Variants in CNTNAP2 observed in about 807,000 individuals in gnomAD.
CNTNAP2 encodes the protein contactin-associated protein-like 2.
Under a neutral mutation model 155.2 loss-of-function variants are expected in CNTNAP2, and 98 were observed. That is an observed-to-expected ratio of 0.63 (90% CI 0.54 to 0.75). The LOEUF is 0.75. CNTNAP2 is among the 30% of genes least tolerant of loss of function. The pLI is 0.00. For missense variants in CNTNAP2, 1,727 were observed against 1,688.1 expected, an observed-to-expected ratio of 1.02 and a Z score of -0.40; for synonymous variants, 651 against 631.2, an observed-to-expected ratio of 1.03 and a Z score of -0.47.
intron 1 of CNTNAP2, among the ~76,000 whole-genome samples, chr7:146,616,070 G>A (rs1799218807): frequency 6.6e-6 from 1 of 152,018 alleles, no homozygotes; most frequent in Admixed American, 6.6e-5. Context: ...TGCTCCATTT[G>A]TTTTTTTCCT....
intron 13 of CNTNAP2, among the ~76,000 whole-genome samples, chr7:147,759,758 C>G (rs1200394517): frequency 6.6e-6 from 1 of 152,130 alleles, no homozygotes; most frequent in Non-Finnish European, 1.5e-5. Flanking sequence ...ACAAGGAAGC[C>G]ATTGTGGTTA....
intron 3 of CNTNAP2, among the ~76,000 whole-genome samples, chr7:146,897,597 T>A (rs1248904982): frequency 6.6e-6 from 1 of 151,830 alleles, no homozygotes; most frequent in Admixed American, 6.6e-5. Context: ...TTTTTTTTTC[T>A]TGGCCTTTAG....
chr7:147,801,257 A>G (rs1797977313), intron 13 of CNTNAP2, among the ~76,000 whole-genome samples: 1 of 150,580 alleles, frequency 6.6e-6, no homozygotes, highest in African/African-American at 2.4e-5. Flanking sequence ...AGAAACGTGT[A>G]TCATGTATAT....
intron 22 of CNTNAP2, among the ~76,000 whole-genome samples, chr7:148,385,867 A>G (rs1468414886): frequency 1.3e-5 from 2 of 150,438 alleles, no homozygotes; most frequent in Non-Finnish European, 2.9e-5. Flanking sequence ...CCTCCTGAGT[A>G]GCTGGGATTA....
At chr7:147,522,393 C>T (rs1338233373) in intron 11 of CNTNAP2, among the ~76,000 whole-genome samples, 3 of 151,974 alleles carry the variant, frequency 2.0e-5, no homozygotes, top group Admixed American at 6.6e-5. Flanking sequence ...GCCTGGGGAA[C>T]AGAAAATGAA....
chr7:147,067,967 C>A (rs1273444891), intron 4 of CNTNAP2, among the ~76,000 whole-genome samples: 3 of 152,198 alleles, frequency 2.0e-5, no homozygotes, highest in African/African-American at 7.2e-5. Context: ...CCTAGCCCAT[C>A]GGCGTGTCAG....
intron 3 of CNTNAP2, among the ~76,000 whole-genome samples, chr7:147,025,792 G>A (rs1449161872): frequency 3.3e-5 from 5 of 151,246 alleles, no homozygotes; most frequent in South Asian, 2.1e-4. Flanking sequence ...TACATTACAC[G>A]TATATATCTC....
At chr7:147,446,761 G>A (rs1797747213) in intron 10 of CNTNAP2, among the ~76,000 whole-genome samples, 1 of 152,142 alleles carries the variant, frequency 6.6e-6, no homozygotes, top group South Asian at 2.1e-4. Context: ...TCAGCTATGG[G>A]CAAAGTTTAA....
At chr7:146,438,902 C>T (rs888686138) in intron 1 of CNTNAP2, among the ~76,000 whole-genome samples, 1 of 151,498 alleles carries the variant, frequency 6.6e-6, no homozygotes, top group Admixed American at 6.6e-5. Flanking sequence ...CATGGTCTGT[C>T]ATCCTGAGCA....
chr7:146,691,925 G>T (rs575821602), intron 1 of CNTNAP2, among the ~76,000 whole-genome samples: 11 of 152,112 alleles, frequency 7.2e-5, no homozygotes, highest in African/African-American at 2.4e-4. Context: ...TCTTGGATTG[G>T]ATTCAAATCA....
chr7:146,458,495 A>G (rs1424391871), intron 1 of CNTNAP2, among the ~76,000 whole-genome samples: 1 of 152,206 alleles, frequency 6.6e-6, no homozygotes, highest in Admixed American at 6.5e-5. Flanking sequence ...GGTTTGTAGC[A>G]CATGCTACAA....
At chr7:147,979,772 G>A (rs1041348336) in intron 15 of CNTNAP2, among the ~76,000 whole-genome samples, 2 of 152,028 alleles carry the variant, frequency 1.3e-5, no homozygotes, top group East Asian at 1.9e-4. Context: ...ACAAGCACAC[G>A]CCACCATGCC....
At chr7:146,324,007 A>G (rs187869304) in intron 1 of CNTNAP2, among the ~76,000 whole-genome samples, 12 of 152,278 alleles carry the variant, frequency 7.9e-5, no homozygotes, top group Non-Finnish European at 1.8e-4. Flanking sequence ...CATTTCTCTT[A>G]TAAGGACTGT....
intron 21 of CNTNAP2, among the ~76,000 whole-genome samples, chr7:148,367,970 C>T (rs1010347790): frequency 1.3e-5 from 2 of 152,110 alleles, no homozygotes; most frequent in Admixed American, 6.5e-5. Context: ...AAGCACACAG[C>T]GAGCATTGTC....
In CNTNAP2 at chr7:147,294,122, A is replaced by G. The variant is rs140367329; in HGVS notation, c.1349-6019A>G. ...GGTTCCAATTCAATCTCAGCCTCTT[A>G]TGGGGCAAGCTCCACGTGTGCCTGA... On this transcript the variant is annotated intron_variant, in intron 8 of 23. Transcript: ENST00000361727. Among the ~76,000 whole-genome samples the G allele has an allele frequency of 1.7e-3, 260 of 152,298 alleles. 3 individuals are homozygous for G. The highest frequency in any genetic ancestry group is 6.0e-3 in the African/African-American group (249 of 41,580).
At chr7:146,944,219 T>C (rs1233934363) in intron 3 of CNTNAP2, among the ~76,000 whole-genome samples, 2 of 133,488 alleles carry the variant, frequency 1.5e-5, no homozygotes. Context: ...GAGATTCATC[T>C]ACAGGTTTTT....
chr7:147,473,085 TCA>T (rs1161826628), intron 10 of CNTNAP2, among the ~76,000 whole-genome samples: 3 of 152,146 alleles, frequency 2.0e-5, no homozygotes, highest in African/African-American at 7.2e-5. Flanking sequence ...TCAAATACGT[TCA>T]TAGACTGAGA....
At chr7:147,918,180 C>T (rs917310643) in intron 14 of CNTNAP2, among the ~76,000 whole-genome samples, 1 of 152,190 alleles carries the variant, frequency 6.6e-6, no homozygotes, top group Non-Finnish European at 1.5e-5. Context: ...TCTCAAATTA[C>T]AAGCTTCAGG....
chr7:146,987,102 T>C (rs1798126840), intron 3 of CNTNAP2, among the ~76,000 whole-genome samples: 2 of 152,164 alleles, frequency 1.3e-5, no homozygotes, highest in Non-Finnish European at 2.9e-5. Context: ...TTTTATTAAA[T>C]TCAAACTGCA....
Sources: allele counts gnomAD v4.1 joint callset (sites outside exome capture counted in the v4.1 genomes callset), GRCh38; gene constraint gnomAD v4.1.1; transcripts MANE v1.5; gene names NCBI Gene and HGNC (gene_info 2026-07-23, HGNC 2026-07-21).